The following GEM variants were observed in gnomAD, a reference collection of about 807,000 sequenced individuals.
GEM encodes GTP-binding protein GEM.
In GEM, 31 loss-of-function variants were observed where a neutral mutation model predicts 33.0. The observed-to-expected ratio is 0.94, with a 90% confidence interval of 0.71 to 1.27. The LOEUF is 1.27. Among genes scored for constraint, GEM ranks in the 50% most tolerant of loss-of-function variants. The pLI, the probability that GEM is intolerant of heterozygous loss-of-function variation, is 0.00. For missense variants in GEM, 354 were observed against 390.5 expected, an observed-to-expected ratio of 0.91 and a Z score of 0.79; for synonymous variants, 141 against 143.7, an observed-to-expected ratio of 0.98 and a Z score of 0.13.
intron 2 of GEM, among the ~76,000 whole-genome samples, chr8:94,257,316 G>T (rs1160170585): frequency 1.3e-5 from 2 of 152,080 alleles, no homozygotes; most frequent in Non-Finnish European, 2.9e-5. Context: ...CAGTAGCTGG[G>T]ATTACAGGCA....
Position 94,250,318 on chromosome 8 carries a change from C to G in GEM, c.883G>C (p.Val295Leu). The change falls in exon 5 of 5, where the codon GTA (valine) becomes CTA (leucine). Residue 295 changes from valine (V) to leucine (L), a missense_variant. By Grantham distance (32) the Val-to-Leu change is conservative (BLOSUM62 1). Coordinates refer to ENST00000297596, the MANE Select transcript of GEM (RefSeq NM_005261.4). The stretch of plus-strand genomic sequence containing the variant: ...TGGGTGACCCTGGGTTCCTAGAGTA[C>G]AGAGAGGTCATGGCAGGATTTGGAC... The part of the protein sequence containing the change: ...LKSKSCHDLS[V>L]L 6.2e-7 allele frequency: 1 copy of G among 1,612,856 alleles called. No homozygotes were observed. Among genetic ancestry groups the G allele is most frequent in the East Asian group, 2.2e-5 (1 of 44,868 alleles).
intron 4 of GEM, among the ~76,000 whole-genome samples, chr8:94,251,792 C>T (rs775721022): frequency 3.9e-5 from 6 of 152,242 alleles, no homozygotes; most frequent in Admixed American, 6.5e-5. Context: ...TCCTTAAAAG[C>T]GGGAGGATTA....
At chr8:94,260,649 A>G (rs1224862665) in intron 1 of GEM, 137 bp from the exon 2 acceptor site, 1 of 605,058 alleles carries the variant, frequency 1.7e-6, no homozygotes, top group African/African-American at 1.9e-5. Flanking sequence ...ACCACCAATT[A>G]AACAGTCCCC....
At chr8:94,261,106 C>T (rs1271403418) in intron 1 of GEM, among the ~76,000 whole-genome samples, 2 of 152,130 alleles carry the variant, frequency 1.3e-5, no homozygotes, top group Non-Finnish European at 2.9e-5. Flanking sequence ...TGCCTTGATG[C>T]TCTCCAGCTG....
chr8:94,260,111 C>T, intron 2 of GEM, 62 bp downstream of exon 2: 1 of 1,091,424 alleles, frequency 9.2e-7, no homozygotes, highest in Non-Finnish European at 1.4e-6. Context: ...GTCACCCACC[C>T]TCACTCTTTC....
At chr8:94,258,198 C>T (rs1171446026) in intron 2 of GEM, among the ~76,000 whole-genome samples, 1 of 152,024 alleles carries the variant, frequency 6.6e-6, no homozygotes, top group East Asian at 1.9e-4. Flanking sequence ...GGAATATTAC[C>T]CTCTGGATAC....
Position 94,253,102 on chromosome 8 carries a change from A to G in GEM, c.342T>C (p.Tyr114=). The part of the protein sequence containing the change: ...SDCEVLGEDT[Y]ERTLMVDGES... ...CCCCATCAACCATCAGGGTTCGTTC[A>G]TATGTATCTTCTAGAGAAGAAAGAA... The change falls in exon 3 of 5, where the codon TAT becomes TAC. Residue 114 remains tyrosine, a synonymous_variant. Transcript: ENST00000297596. 1 of 1,573,326 alleles carries G rather than the reference A, an allele frequency of 6.4e-7. No individual in the cohort carries two copies. Among genetic ancestry groups the G allele is most frequent in the Non-Finnish European group, 8.7e-7 (1 of 1,142,868 alleles).
Position 94,262,253 on chromosome 8 carries a change from G to A in GEM, c.-173C>T, listed in dbSNP as rs1261843081. 2 of 152,186 alleles carry A rather than the reference G, an allele frequency of 1.3e-5. No homozygotes were observed. The highest frequency in any genetic ancestry group is 2.9e-5 in the Non-Finnish European group (2 of 68,052). 9.4% of individuals were successfully genotyped at this position (152,186 alleles called of 1,614,324 possible). A position where few individuals can be genotyped will look rare whatever the true frequency, so the allele number is the denominator to read the frequency against. ...GGGCGTCAGCGTATCGCGTGGGTCC[G>A]CGCTGGGATACCCGGGCCAACGAGC... On this transcript the variant is annotated 5_prime_UTR_variant, in exon 1 of 5. Coordinates refer to ENST00000297596, the MANE Select transcript of GEM (RefSeq NM_005261.4).
chr8:94,251,744 A>C (rs1413751614), intron 4 of GEM, among the ~76,000 whole-genome samples: 1 of 152,156 alleles, frequency 6.6e-6, no homozygotes. Context: ...TGAAGATGCT[A>C]CTTTCATTTC....
chr8:94,256,121 T>G (rs1808888762), intron 2 of GEM, among the ~76,000 whole-genome samples: 1 of 152,168 alleles, frequency 6.6e-6, no homozygotes. Flanking sequence ...CCACCACCTC[T>G]GATAGTCTAA....
At position 94,253,098 on chromosome 8, in the gene GEM, G is replaced by T; in HGVS notation, c.346C>A (p.Arg116=). 1 of 1,582,444 alleles carries T rather than the reference G, an allele frequency of 6.3e-7. No individual in the cohort carries two copies. The highest frequency in any genetic ancestry group is 8.7e-7 in the Non-Finnish European group (1 of 1,151,278). ...CEVLGEDTYE[R]TLMVDGESAT... ...CTTTCCCCATCAACCATCAGGGTTC[G>T]TTCATATGTATCTTCTAGAGAAGAA... The change falls in exon 3 of 5, where the codon CGA becomes AGA. Residue 116 remains arginine (R), a synonymous_variant. Transcript: ENST00000297596.
intron 2 of GEM, among the ~76,000 whole-genome samples, chr8:94,258,585 A>C (rs1465698465): frequency 6.6e-6 from 1 of 152,302 alleles, no homozygotes; most frequent in African/African-American, 2.4e-5. Context: ...ACTAGATTTG[A>C]ATCCTGGTCA....
intron 2 of GEM, among the ~76,000 whole-genome samples, chr8:94,257,976 G>A (rs935057189): frequency 1.3e-5 from 2 of 152,068 alleles, no homozygotes; most frequent in African/African-American, 4.8e-5. Context: ...GCTAGGGAAA[G>A]GATTCCCTTT....
intron 4 of GEM, among the ~76,000 whole-genome samples, chr8:94,251,238 C>T (rs1029340365): frequency 1.3e-5 from 2 of 152,150 alleles, no homozygotes; most frequent in African/African-American, 4.8e-5. Context: ...TTAAATTATA[C>T]AAGCTTTTCT....
intron 2 of GEM, among the ~76,000 whole-genome samples, chr8:94,257,445 G>T (rs553455804): frequency 6.6e-6 from 1 of 152,274 alleles, no homozygotes; most frequent in African/African-American, 2.4e-5. Context: ...GCCTCCCAAA[G>T]TGTTGGGATT....
At chr8:94,252,688 A>G (rs1329522967) in intron 3 of GEM, among the ~76,000 whole-genome samples, 1 of 152,236 alleles carries the variant, frequency 6.6e-6, no homozygotes, top group Non-Finnish European at 1.5e-5. Context: ...TAAAAAGCCA[A>G]TGTTGAAGAC....
At chr8:94,255,910 C>T (rs1366984676) in intron 2 of GEM, among the ~76,000 whole-genome samples, 1 of 152,080 alleles carries the variant, frequency 6.6e-6, no homozygotes, top group East Asian at 1.9e-4. Flanking sequence ...TTCTCTAGAC[C>T]AGTTTGTCTT....
chr8:94,259,733 A>G (rs527970419), intron 2 of GEM: 1 of 157,078 alleles, frequency 6.4e-6, no homozygotes, highest in South Asian at 2.0e-4. Flanking sequence ...AAACTTTCTA[A>G]TATTGGTGGA....
rs1808999487 is a variant in GEM, at chr8:94,260,520, G to A, written c.-9-8C>T. On this transcript the variant is annotated splice_polypyrimidine_tract_variant and splice_region_variant and intron_variant, in intron 1 of 4. Coordinates refer to ENST00000297596, the MANE Select transcript of GEM (RefSeq NM_005261.4). ...CAGAGTCATCGTTGAGTCCTGGGGA[G>A]CAAAGCAGCCAAGATGGCAGCATTA... 1.3e-6 allele frequency: 2 copies of A among 1,542,486 alleles called. No homozygotes were observed. Among genetic ancestry groups the A allele is most frequent in the Non-Finnish European group, 1.8e-6 (2 of 1,130,532 alleles).
Sources: allele counts gnomAD v4.1 joint callset (sites outside exome capture counted in the v4.1 genomes callset), GRCh38; gene constraint gnomAD v4.1.1; transcripts MANE v1.5; gene names NCBI Gene and HGNC (gene_info 2026-07-23, HGNC 2026-07-21).